Variants in PCDHGB1 observed in about 807,000 individuals in gnomAD.
The protein encoded by PCDHGB1 is protocadherin gamma-B1.
PCDHGB1 carries 34 observed loss-of-function variants against 56.6 expected under a neutral mutation model. That is an observed-to-expected ratio of 0.60 (90% CI 0.46 to 0.80). The LOEUF is 0.80. Ranked by LOEUF, PCDHGB1 falls within the 30% of genes least tolerant of loss-of-function variation. PCDHGB1 has a pLI of 0.00. For missense variants in PCDHGB1, 1,278 were observed against 1,204.6 expected, an observed-to-expected ratio of 1.06 and a Z score of -0.90; for synonymous variants, 561 against 505.9, an observed-to-expected ratio of 1.11 and a Z score of -1.46.
At chr5:141,495,437 C>T (rs2099761356) in intron 2 of PCDHGB1, among the ~76,000 whole-genome samples, 1 of 152,178 alleles carries the variant, frequency 6.6e-6, no homozygotes, top group East Asian at 1.9e-4. Flanking sequence ...GTCCTCTGCC[C>T]CTACTTGTCC....
chr5:141,385,078 G>A, intron 1 of PCDHGB1: 1 of 1,614,222 alleles, frequency 6.2e-7, no homozygotes, highest in Non-Finnish European at 8.5e-7. Context: ...CCTGCTGCAG[G>A]CTTCAGAAGG....
At chr5:141,410,576 C>A (rs533810160) in intron 1 of PCDHGB1, 1 of 1,611,270 alleles carries the variant, frequency 6.2e-7, no homozygotes, top group African/African-American at 1.3e-5. Flanking sequence ...AATTCCACCT[C>A]ATGGTGGGGA....
At chr5:141,471,073 G>A (rs2099249169) in intron 1 of PCDHGB1, among the ~76,000 whole-genome samples, 2 of 143,298 alleles carry the variant, frequency 1.4e-5, no homozygotes, top group Non-Finnish European at 3.0e-5. Flanking sequence ...TTTTGAGACA[G>A]GGTCTCCCTC....
intron 1 of PCDHGB1, among the ~76,000 whole-genome samples, chr5:141,460,793 A>T (rs954317795): frequency 2.0e-4 from 30 of 152,024 alleles, no homozygotes; most frequent in Non-Finnish European, 2.9e-5. Flanking sequence ...TATACACACA[A>T]AGTATATATA....
rs369942815 is a variant in PCDHGB1, at chr5:141,485,334, T to A, written c.2410-9473T>A. 5.4e-5 allele frequency: 87 copies of A among 1,614,056 alleles called. No individual in the cohort carries two copies. Among genetic ancestry groups the A allele is most frequent in the Non-Finnish European group, 7.0e-5 (83 of 1,180,026 alleles). On this transcript the variant is annotated intron_variant, in intron 1 of 3. Coordinates refer to ENST00000523390, the MANE Select transcript of PCDHGB1 (RefSeq NM_018922.3). The surrounding 1 kb of genome is among the most constrained non-coding windows in gnomAD (Gnocchi z 5.7). Reference sequence around the variant, plus strand: ...GGGAATGTCGCTCAAGATTTCCTGCTGGATACGGACAGTCTGTCAGCTCGC... The same window carrying A: ...GGGAATGTCGCTCAAGATTTCCTGCAGGATACGGACAGTCTGTCAGCTCGC...
chr5:141,472,795 G>A (rs939788734), intron 1 of PCDHGB1, among the ~76,000 whole-genome samples: 1 of 151,794 alleles, frequency 6.6e-6, no homozygotes, highest in Non-Finnish European at 1.5e-5. Flanking sequence ...AGATCAGCCT[G>A]ACCAACATGG....
At chr5:141,414,242 T>C (rs1412230684) in intron 1 of PCDHGB1, 1 of 1,613,538 alleles carries the variant, frequency 6.2e-7, no homozygotes, top group Admixed American at 1.7e-5. Flanking sequence ...ATCACGTCTC[T>C]ATTTAGTCCA....
chr5:141,365,600 G>A (rs1234948467), intron 1 of PCDHGB1: 1 of 1,613,374 alleles, frequency 6.2e-7, no homozygotes, highest in East Asian at 2.2e-5. Context: ...CACTTTAACC[G>A]TCATGGACCA....
At chr5:141,394,727 C>A in intron 1 of PCDHGB1, 1 of 1,613,436 alleles carries the variant, frequency 6.2e-7, no homozygotes, top group East Asian at 2.2e-5. Flanking sequence ...GAGATGCGCT[C>A]AAGCAGAGCC....
chr5:141,442,348 CTG>C (rs1318031659), intron 1 of PCDHGB1: 1 of 152,378 alleles, frequency 6.6e-6, no homozygotes, highest in Non-Finnish European at 1.5e-5. Context: ...TTCTGGGTAA[CTG>C]TAGCTCTATG....
rs2154591356 is a variant in PCDHGB1, at chr5:141,493,972, C to G, written c.2410-835C>G. Among the ~76,000 whole-genome samples, 6 of 152,276 alleles carry G rather than the reference C, an allele frequency of 3.9e-5. No homozygotes were observed. In the Middle Eastern group the frequency reaches 0.014, roughly 345 times the overall value. On this transcript the variant is annotated intron_variant, in intron 1 of 3. Coordinates refer to ENST00000523390, the MANE Select transcript of PCDHGB1 (RefSeq NM_018922.3). This position sits in a 1 kb window ranked among gnomAD's most constrained non-coding sequence, Gnocchi z 4.3. ...CAGGAATGAAGTGGCTGGCCAGAGC[C>G]CCACACCTTCAGCTAGGTGGGAGAT...
intron 1 of PCDHGB1, chr5:141,410,442 C>T (rs1444532577): frequency 6.2e-7 from 1 of 1,613,942 alleles, no homozygotes; most frequent in East Asian, 2.2e-5. Context: ...AGTGAGGGGA[C>T]TTTGCCTTAT....
rs1316573600 is a variant in PCDHGB1 at position 141,490,443 on chromosome 5, G to A, written c.2410-4364G>A. The A allele has an allele frequency of 1.2e-6, 2 of 1,614,174 alleles. No individual in the cohort carries two copies. Among genetic ancestry groups the A allele is most frequent in the Non-Finnish European group, 8.5e-7 (1 of 1,180,042 alleles). On this transcript the variant is annotated intron_variant, in intron 1 of 3. Coordinates refer to ENST00000523390, the MANE Select transcript of PCDHGB1 (RefSeq NM_018922.3). The surrounding 1 kb of genome is among the most constrained non-coding windows in gnomAD (Gnocchi z 5.4). ...TGCCATTTCAGATTAAGCCTTCTGA[G>A]AACCACTACTCGCTGCTAACCAGCC...
In PCDHGB1 at chr5:141,456,878, G is replaced by T. The variant is rs71583646; in HGVS notation, c.2410-37929G>T. On this transcript the variant is annotated intron_variant, in intron 1 of 3. Coordinates refer to ENST00000523390, the MANE Select transcript of PCDHGB1 (RefSeq NM_018922.3). ...ATTGGGAGGCTGAGGCAGGAGAATCGCTTGAACCCGGGAGGCAGAGGTTGC... is the reference window on the plus strand; with the variant it reads ...ATTGGGAGGCTGAGGCAGGAGAATCTCTTGAACCCGGGAGGCAGAGGTTGC... Among the ~76,000 whole-genome samples, 307 of 152,160 alleles carry T rather than the reference G, an allele frequency of 2.0e-3. 1 individual carries two copies. The highest frequency in any genetic ancestry group is 0.01 in the Middle Eastern group (3 of 294).
intron 1 of PCDHGB1, chr5:141,442,056 C>T: frequency 5.0e-6 from 1 of 198,150 alleles, no homozygotes; most frequent in Non-Finnish European, 1.0e-5. Flanking sequence ...GGTCGCGGTG[C>T]ACTGCGGTGG....
intron 1 of PCDHGB1, chr5:141,408,888 A>G: frequency 1.2e-6 from 2 of 1,613,352 alleles, no homozygotes; most frequent in Non-Finnish European, 1.7e-6. Context: ...GCTCACATAG[A>G]AATTTCTGTC....
chr5:141,352,175 C>G lies in PCDHGB1; in HGVS notation c.1915C>G (p.Leu639Val). 6.2e-7 allele frequency: 1 copy of G among 1,613,662 alleles called. No individual in the cohort carries two copies. Among genetic ancestry groups the G allele is most frequent in the Admixed American group, 1.7e-5 (1 of 60,026 alleles). The change falls in exon 1 of 4, where the codon CTG (leucine) becomes GTG (valine). Residue 639 changes from leucine (L) to valine (V), a missense_variant. Coordinates refer to ENST00000523390, the MANE Select transcript of PCDHGB1 (RefSeq NM_018922.3). Reference sequence around the variant, plus strand: ...CAGGGACGCGGCCCGCCAGCGCCTGCTGGTCGCTGTGCGTGATGGAGGACA... The same window carrying G: ...CAGGGACGCGGCCCGCCAGCGCCTGGTGGTCGCTGTGCGTGATGGAGGACA... ...GDRDAARQRLLVAVRDGGQPP... is the reference protein window; with the variant it reads ...GDRDAARQRLVVAVRDGGQPP...
rs374663576 is a variant in PCDHGB1, at chr5:141,489,905, G to T, written c.2410-4902G>T. On this transcript the variant is annotated intron_variant, in intron 1 of 3. Coordinates refer to ENST00000523390, the MANE Select transcript of PCDHGB1 (RefSeq NM_018922.3). The surrounding 1 kb of genome is among the most constrained non-coding windows in gnomAD (Gnocchi z 4.5). ...GCTGTGGATGGGGGGACCCCAGCCC[G>T]CTCAGGGACCACCCTTATCTCTGTC... The T allele has an allele frequency of 9.7e-5, 156 of 1,614,226 alleles. 3 individuals are homozygous for T. The South Asian group carries it at 1.6e-3, about 16-fold the overall frequency.
At chr5:141,387,675 C>G in intron 1 of PCDHGB1, 1 of 729,278 alleles carries the variant, frequency 1.4e-6, no homozygotes, top group Non-Finnish European at 2.2e-6. Flanking sequence ...CAGATCTCCT[C>G]GCGCAGCCGC....
Sources: gnomAD v4.1 joint callset for allele counts (sites outside exome capture counted in the v4.1 genomes callset) on GRCh38, gnomAD v4.1.1 for gene constraint, Gnocchi (gnomAD v3.1) non-coding constraint, MANE v1.5 for transcripts, NCBI Gene and HGNC (gene_info 2026-07-23, HGNC 2026-07-21) for gene names.